Variants in CSMD3 observed in about 807,000 individuals in gnomAD.
CSMD3 encodes CUB and sushi domain-containing protein 3.
In CSMD3, 177 loss-of-function variants were observed where a neutral mutation model predicts 435.2. The ratio of observed to expected loss-of-function variants is 0.41; its 90% CI spans 0.36 to 0.46. CSMD3 has a LOEUF of 0.46. Among genes scored for constraint, CSMD3 ranks in the 20% least tolerant of loss-of-function variants. The pLI, the probability that CSMD3 is intolerant of heterozygous loss-of-function variation, is 0.34. For synonymous variants in CSMD3, 1,656 were observed against 1,520.5 expected, an observed-to-expected ratio of 1.09 and a Z score of -2.07; for missense variants, 4,265 against 4,504.6, an observed-to-expected ratio of 0.95 and a Z score of 1.52.
intron 5 of CSMD3, among the ~76,000 whole-genome samples, chr8:113,067,378 T>G (rs2088905770): frequency 6.6e-6 from 1 of 152,140 alleles, no homozygotes; most frequent in South Asian, 2.1e-4. Context: ...TTATCAATCC[T>G]ACTGAGAGCA....
At position 112,227,934 on chromosome 8, in the gene CSMD3, T is replaced by C. The variant is rs139986900; in HGVS notation, c.10964+822A>G. ...GCGGGTACCTGTAGTCCCATCTACT[T>C]GGGAGGCTGAAGCAGGAGAGTGGCG... On this transcript the variant is annotated intron_variant, in intron 70 of 70. Transcript: ENST00000297405. Among the ~76,000 whole-genome samples, 504 of 152,018 alleles carry C rather than the reference T, an allele frequency of 3.3e-3. 4 individuals are homozygous for C. The highest frequency in any genetic ancestry group is 0.012 in the African/African-American group (489 of 41,490).
At chr8:112,434,709 C>T (rs373096674) in intron 32 of CSMD3, among the ~76,000 whole-genome samples, 3 of 152,048 alleles carry the variant, frequency 2.0e-5, no homozygotes, top group South Asian at 2.1e-4. Flanking sequence ...TAGAAAGGAA[C>T]CATCAATGTG....
At chr8:112,949,450 C>G (rs567273424) in intron 8 of CSMD3, among the ~76,000 whole-genome samples, 1 of 151,924 alleles carries the variant, frequency 6.6e-6, no homozygotes, top group Non-Finnish European at 1.5e-5. Context: ...TCTACTACAG[C>G]GGACAAATTG....
At chr8:113,393,129 T>C (rs2094468670) in intron 1 of CSMD3, among the ~76,000 whole-genome samples, 1 of 152,060 alleles carries the variant, frequency 6.6e-6, no homozygotes, top group Admixed American at 6.6e-5. Context: ...ACTACTCCTC[T>C]TTCCTTTCCA....
rs1268025691 is a variant in CSMD3 at position 112,406,572 on chromosome 8, C to G, written c.5761G>C (p.Val1921Leu). ...HGSIAIRCET[V>L]PNSLAQWNDS... ...TTCCACTGGGCCAAAGAATTGGGCACTGTTTCACACCTAATTGCTATGGAT... is the reference window on the plus strand; with the variant it reads ...TTCCACTGGGCCAAAGAATTGGGCAGTGTTTCACACCTAATTGCTATGGAT... The change falls in exon 35 of 71, where the codon GTG (valine) becomes CTG (leucine). Residue 1921 changes from valine to leucine, a missense_variant. Val to Leu is a conservative substitution (Grantham distance 32). Around this residue, in one of 3 missense-constraint regions of CSMD3, gnomAD observed 3,255 missense variants for 3,380.2 expected, o/e 0.96. Coordinates refer to ENST00000297405, the MANE Select transcript of CSMD3 (RefSeq NM_198123.2). 6.2e-7 allele frequency: 1 copy of G among 1,612,526 alleles called. No homozygotes were observed. Among genetic ancestry groups the G allele is most frequent in the Non-Finnish European group, 8.5e-7 (1 of 1,178,886 alleles).
At chr8:112,695,263 G>T (rs567569180) in intron 13 of CSMD3, among the ~76,000 whole-genome samples, 2 of 151,964 alleles carry the variant, frequency 1.3e-5, no homozygotes, top group South Asian at 2.1e-4. Flanking sequence ...AATATGTAAC[G>T]TTATAGAAAC....
At chr8:113,204,218 T>G (rs2092745535) in intron 3 of CSMD3, among the ~76,000 whole-genome samples, 1 of 152,252 alleles carries the variant, frequency 6.6e-6, no homozygotes, top group African/African-American at 2.4e-5. Context: ...TAGAGGAAAT[T>G]AGTGCCCTAG....
chr8:112,290,358 A>G (rs2130665320), intron 56 of CSMD3, among the ~76,000 whole-genome samples: 1 of 152,126 alleles, frequency 6.6e-6, no homozygotes, highest in South Asian at 2.1e-4. Flanking sequence ...ATAAGTCAAA[A>G]AACATATGAG....
At chr8:112,356,721 AGT>A (rs1457234439) in intron 38 of CSMD3, among the ~76,000 whole-genome samples, 3 of 152,020 alleles carry the variant, frequency 2.0e-5, no homozygotes, top group African/African-American at 7.2e-5. Flanking sequence ...ACAGTGAATA[AGT>A]TTCATGAGTA....
intron 12 of CSMD3, among the ~76,000 whole-genome samples, chr8:112,823,713 C>T (rs1167146492): frequency 6.6e-6 from 1 of 152,062 alleles, no homozygotes; most frequent in Non-Finnish European, 1.5e-5. Context: ...AGTTCTTTTG[C>T]ATTTGCTGAG....
At chr8:113,375,850 T>A (rs2094379008) in intron 1 of CSMD3, among the ~76,000 whole-genome samples, 1 of 152,106 alleles carries the variant, frequency 6.6e-6, no homozygotes, top group South Asian at 2.1e-4. Context: ...AGAATAATGG[T>A]TTTTATAATT....
chr8:112,724,486 A>T (rs2076924648), intron 13 of CSMD3, among the ~76,000 whole-genome samples: 1 of 152,070 alleles, frequency 6.6e-6, no homozygotes, highest in Non-Finnish European at 1.5e-5. Context: ...TGTCCCCAAT[A>T]ATGTCTGTCT....
intron 13 of CSMD3, among the ~76,000 whole-genome samples, chr8:112,737,993 C>A (rs2077222693): frequency 6.6e-6 from 1 of 151,748 alleles, no homozygotes; most frequent in South Asian, 2.1e-4. Flanking sequence ...ACTGTGATTA[C>A]ATTCTGATGA....
chr8:112,512,137 A>G (rs557595094), intron 28 of CSMD3, among the ~76,000 whole-genome samples: 1 of 152,266 alleles, frequency 6.6e-6, no homozygotes, highest in Admixed American at 6.5e-5. Context: ...AACTCCTGAT[A>G]ATATTGATAT....
At chr8:113,368,701 T>C (rs926205523) in intron 1 of CSMD3, among the ~76,000 whole-genome samples, 1 of 152,086 alleles carries the variant, frequency 6.6e-6, no homozygotes, top group Non-Finnish European at 1.5e-5. Context: ...ACGTCAATAA[T>C]CTTGGCTTTT....
intron 13 of CSMD3, among the ~76,000 whole-genome samples, chr8:112,761,626 G>GT (rs200743500): frequency 4.8e-4 from 72 of 151,344 alleles, no homozygotes; most frequent in Middle Eastern, 6.9e-3. Context: ...TTTACAAAAA[G>GT]TTTTTTTTTA....
chr8:112,690,142 G>A, intron 13 of CSMD3, 92 bp from the exon 14 acceptor site: 1 of 949,204 alleles, frequency 1.1e-6, no homozygotes. Flanking sequence ...TCTTTGTTGT[G>A]GAGATATTTC....
At chr8:113,001,818 G>T (rs2085874669) in intron 6 of CSMD3, among the ~76,000 whole-genome samples, 1 of 151,992 alleles carries the variant, frequency 6.6e-6, no homozygotes, top group Admixed American at 6.6e-5. Flanking sequence ...TAAAGCCACG[G>T]TATCTAAGAA....
intron 12 of CSMD3, among the ~76,000 whole-genome samples, chr8:112,815,717 T>C (rs946741423): frequency 4.6e-5 from 7 of 152,112 alleles, no homozygotes; most frequent in African/African-American, 1.7e-4. Flanking sequence ...ATAAAACAAA[T>C]GCAAGCAAAA....
Sources: allele counts gnomAD v4.1 joint callset (sites outside exome capture counted in the v4.1 genomes callset), GRCh38; gene constraint gnomAD v4.1.1; regional missense constraint gnomAD v4.1.1; transcripts MANE v1.5; gene names NCBI Gene and HGNC (gene_info 2026-07-23, HGNC 2026-07-21).